TOGARAM1: variants seen among roughly 807,000 people sequenced by gnomAD.
The protein encoded by TOGARAM1 is TOG array regulator of axonemal microtubules protein 1.
TOGARAM1 carries 100 observed loss-of-function variants against 166.6 expected under a neutral mutation model. The ratio of observed to expected loss-of-function variants is 0.60; its 90% confidence interval spans 0.51 to 0.71. The LOEUF (loss-of-function observed/expected upper bound fraction) is 0.71, where lower values mean the gene tolerates loss of function less well. TOGARAM1 is among the 30% of genes least tolerant of loss of function. The pLI is 0.00. For missense variants in TOGARAM1, 2,029 were observed against 2,102.7 expected (o/e 0.96, Z 0.69); for synonymous variants, 758 against 763.8 (o/e 0.99, Z 0.13).
At chr14:45,038,858 G>A (rs1205600779) in intron 11 of TOGARAM1, among the ~76,000 whole-genome samples, 4 of 152,196 alleles carry the variant, frequency 2.6e-5, no homozygotes, top group Non-Finnish European at 5.9e-5. Context: ...CAAACCTCCA[G>A]TTGTGGAGCA....
chr14:44,987,181 T>C (rs1886865815), intron 1 of TOGARAM1, among the ~76,000 whole-genome samples: 2 of 151,382 alleles, frequency 1.3e-5, no homozygotes, highest in African/African-American at 4.8e-5. Flanking sequence ...CCTCGTGATC[T>C]GCCCGCCTCG....
At chr14:45,034,636 C>CA (rs889322730) in intron 11 of TOGARAM1, among the ~76,000 whole-genome samples, 2 of 152,150 alleles carry the variant, frequency 1.3e-5, no homozygotes, top group African/African-American at 4.8e-5. Context: ...GTAGAATACT[C>CA]AGAGTTTTGC....
intron 14 of TOGARAM1, among the ~76,000 whole-genome samples, chr14:45,048,918 A>G (rs1882217996): frequency 6.6e-6 from 1 of 152,024 alleles, no homozygotes; most frequent in African/African-American, 2.4e-5. Context: ...TGGAGGTTGC[A>G]GTGAGTCGAG....
intron 1 of TOGARAM1, among the ~76,000 whole-genome samples, chr14:44,971,682 A>C (rs1328299092): frequency 6.6e-6 from 1 of 152,190 alleles, no homozygotes; most frequent in African/African-American, 2.4e-5. Flanking sequence ...ATATGCCTTC[A>C]GTGCCATAAA....
At chr14:45,005,752 A>G (rs567730528) in intron 4 of TOGARAM1, among the ~76,000 whole-genome samples, 1 of 152,330 alleles carries the variant, frequency 6.6e-6, no homozygotes, top group South Asian at 2.1e-4. Context: ...AATTTATGGC[A>G]TATTCAGTCA....
chr14:45,019,747 C>T (rs895540546), intron 7 of TOGARAM1, among the ~76,000 whole-genome samples: 3 of 152,202 alleles, frequency 2.0e-5, no homozygotes, highest in Non-Finnish European at 4.4e-5. Context: ...TGGATGCGGT[C>T]ACCTTCCCAG....
intron 1 of TOGARAM1, among the ~76,000 whole-genome samples, chr14:44,973,829 A>G (rs926844794): frequency 6.6e-6 from 1 of 151,536 alleles, no homozygotes; most frequent in Non-Finnish European, 1.5e-5. Context: ...AAATATTCCA[A>G]TCCACTTTCT....
intron 10 of TOGARAM1, among the ~76,000 whole-genome samples, chr14:45,029,853 GCT>G (rs982227809): frequency 7.2e-5 from 11 of 151,754 alleles, no homozygotes; most frequent in African/African-American, 2.4e-4. Flanking sequence ...ATGGAGTTTT[GCT>G]CTGTCGCCCA....
rs143241069 is a variant in TOGARAM1, at chr14:45,073,759, A to G, written c.*198A>G. 0.01 allele frequency: 4,641 copies of G among 445,198 alleles called. 37 individuals carry two copies. The highest frequency in any genetic ancestry group is 0.022 in the Middle Eastern group (36 of 1,674). The allele number at this position is 445,198 out of a possible 1,614,324, so 27.6% of individuals were successfully genotyped here. A position where few individuals can be genotyped will look rare whatever the true frequency, so the allele number is the denominator to read the frequency against. On this transcript the variant is annotated 3_prime_UTR_variant, in exon 20 of 20. Coordinates refer to ENST00000361462, the MANE Select transcript of TOGARAM1 (RefSeq NM_001308120.2). ...TATTCATCACATAAAAACCTAAAAT[A>G]TTCATGAATAATTCATGAAATCTGA...
chr14:45,036,828 T>C (rs894243374), intron 11 of TOGARAM1, among the ~76,000 whole-genome samples: 2 of 152,376 alleles, frequency 1.3e-5, no homozygotes, highest in African/African-American at 4.8e-5. Context: ...TCCGTTTTCA[T>C]GCTGCTGATA....
chr14:45,033,783 T>C (rs1243172430), intron 11 of TOGARAM1, among the ~76,000 whole-genome samples: 1 of 152,206 alleles, frequency 6.6e-6, no homozygotes, highest in Non-Finnish European at 1.5e-5. Context: ...AATCCTGAAC[T>C]TCTTCCTGCC....
intron 1 of TOGARAM1, among the ~76,000 whole-genome samples, chr14:44,991,159 T>C (rs1485728423): frequency 6.6e-6 from 1 of 152,008 alleles, no homozygotes; most frequent in African/African-American, 2.4e-5. Context: ...GGTCTTGCCA[T>C]GTTGCCCAGG....
chr14:45,053,333 G>A (rs540582774), intron 15 of TOGARAM1, among the ~76,000 whole-genome samples: 3 of 152,046 alleles, frequency 2.0e-5, no homozygotes, highest in Admixed American at 1.3e-4. Context: ...GAGCCAATGC[G>A]CCCAGCCATG....
chr14:44,963,127 C>G lies in TOGARAM1; in HGVS notation c.706C>G (p.Leu236Val), dbSNP rs1326871499. Residue 236 changes from leucine to valine, a missense_variant, in exon 1 of 20, where the codon CTA becomes GTA. Around this residue, in one of 2 missense-constraint regions of TOGARAM1, gnomAD observed 1,453 missense variants for 1,432.2 expected, o/e 1.01. Coordinates refer to ENST00000361462, the MANE Select transcript of TOGARAM1 (RefSeq NM_001308120.2). Reference sequence around the variant, plus strand: ...TGCCCGACTTAGAGCTTCCACAGCACTACTGCTTCCCATCTTGCTTACTAC... The same window carrying G: ...TGCCCGACTTAGAGCTTCCACAGCAGTACTGCTTCCCATCTTGCTTACTAC... ...TDARLRASTA[L>V]LLPILLTTED... 1 of 1,614,184 alleles carries G rather than the reference C, an allele frequency of 6.2e-7. No individual in the cohort carries two copies. The highest frequency in any genetic ancestry group is 2.2e-5 in the East Asian group (1 of 44,884).
chr14:45,066,802 A>G (rs1259681875), intron 17 of TOGARAM1, 35 bp downstream of exon 17: 3 of 1,563,524 alleles, frequency 1.9e-6, no homozygotes, highest in Non-Finnish European at 1.7e-6. Flanking sequence ...TAATGTGGGT[A>G]TGGTGGCTCA....
At chr14:44,972,657 C>G (rs1885948473) in intron 1 of TOGARAM1, among the ~76,000 whole-genome samples, 1 of 152,106 alleles carries the variant, frequency 6.6e-6, no homozygotes, top group African/African-American at 2.4e-5. Flanking sequence ...GCTCTGAAGT[C>G]TGCTGTGTCT....
rs768760744 is a variant in TOGARAM1 at position 45,008,949 on chromosome 14, G to C, written c.2941G>C (p.Ala981Pro). The C allele has an allele frequency of 4.5e-5, 73 of 1,613,898 alleles. No individual in the cohort carries two copies. The highest frequency in any genetic ancestry group is 6.0e-5 in the Non-Finnish European group (71 of 1,179,970). ...SSLRSLRNSA[A>P]KKRAKLSGST... is the part of the protein sequence containing the mutation. ...TCTTAGGTCCCTTCGTAATAGTGCAGCTAAGAAAAGAGCAAAACTGAGTGG... is the reference window on the plus strand; with the variant it reads ...TCTTAGGTCCCTTCGTAATAGTGCACCTAAGAAAAGAGCAAAACTGAGTGG... The change falls in exon 6 of 20, where the codon GCT becomes CCT. Residue 981 changes from alanine to proline, a missense_variant. By Grantham distance (27) the Ala-to-Pro change is conservative. Transcript: ENST00000361462.
intron 1 of TOGARAM1, among the ~76,000 whole-genome samples, chr14:44,983,386 G>T (rs758872610): frequency 6.6e-6 from 1 of 152,294 alleles, no homozygotes; most frequent in East Asian, 1.9e-4. Context: ...AGGAAGATAT[G>T]AGTTTAGTGC....
intron 7 of TOGARAM1, among the ~76,000 whole-genome samples, chr14:45,014,977 T>G (rs1028131495): frequency 6.6e-6 from 1 of 152,126 alleles, no homozygotes; most frequent in African/African-American, 2.4e-5. Flanking sequence ...CTTCCTACCT[T>G]CCTGTTTTTA....
Sources: gnomAD v4.1 joint callset for allele counts (sites outside exome capture counted in the v4.1 genomes callset) on GRCh38, gnomAD v4.1.1 for gene constraint, gnomAD v4.1.1 regional missense constraint, MANE v1.5 for transcripts, NCBI Gene and HGNC (gene_info 2026-07-23, HGNC 2026-07-21) for gene names.